Variants in SKIC2 observed in about 807,000 individuals in gnomAD.
SKIC2 encodes the protein superkiller complex protein 2.
chr6:31,968,422 G>A, the SKIC2 span: 3 of 1,612,994 alleles, frequency 1.9e-6, no homozygotes, highest in South Asian at 3.3e-5. The surrounding 1 kb of genome is among the most constrained non-coding windows in gnomAD (Gnocchi z 6.1). Flanking sequence ...CCTCGACCCT[G>A]TCAATGACCT....
At chr6:31,963,449 T>C in the SKIC2 span, 5 of 1,610,564 alleles carry the variant, frequency 3.1e-6, no homozygotes, top group East Asian at 2.2e-5. The surrounding 1 kb of genome is among the most constrained non-coding windows in gnomAD (Gnocchi z 5.3). Context: ...TGATTAGCAC[T>C]GTAACCCGCC....
At chr6:31,961,346 C>A in the SKIC2 span, 1 of 1,575,264 alleles carries the variant, frequency 6.3e-7, no homozygotes. Context: ...TGCAGTGCTC[C>A]CCTGGCCCGA....
the SKIC2 span, chr6:31,959,506 C>A: frequency 1.3e-6 from 1 of 796,926 alleles, no homozygotes; most frequent in East Asian, 2.5e-5. Flanking sequence ...GCCTGTACTC[C>A]TGTCCATCCC....
At chr6:31,960,694 T>G in the SKIC2 span, 3 of 1,586,454 alleles carry the variant, frequency 1.9e-6, no homozygotes, top group Non-Finnish European at 2.6e-6. Context: ...CCATAACAGA[T>G]CTGAACACAC....
chr6:31,969,608 G>A, the SKIC2 span: 1 of 1,613,214 alleles, frequency 6.2e-7, no homozygotes, highest in Non-Finnish European at 8.5e-7. This position sits in a 1 kb window ranked among gnomAD's most constrained non-coding sequence, Gnocchi z 6.1. Context: ...CTCACTGCGG[G>A]GGGCAGCCCG....
chr6:31,967,130 C>T, the SKIC2 span: 1 of 1,610,560 alleles, frequency 6.2e-7, no homozygotes, highest in Non-Finnish European at 8.5e-7. This position sits in a 1 kb window ranked among gnomAD's most constrained non-coding sequence, Gnocchi z 4.9. Flanking sequence ...AGAGACCCAG[C>T]ACATGATCCA....
At chr6:31,963,462 GTGCCCC>G in the SKIC2 span, 1 of 1,611,142 alleles carries the variant, frequency 6.2e-7, no homozygotes, top group Non-Finnish European at 8.5e-7. This position sits in a 1 kb window ranked among gnomAD's most constrained non-coding sequence, Gnocchi z 5.3. Flanking sequence ...AACCCGCCCC[GTGCCCC>G]TGGAGCACTA....
the SKIC2 span, chr6:31,968,826 G>A: frequency 6.2e-7 from 1 of 1,609,164 alleles, no homozygotes; most frequent in Non-Finnish European, 8.5e-7. This position sits in a 1 kb window ranked among gnomAD's most constrained non-coding sequence, Gnocchi z 6.1. Context: ...GGGCAGGGGG[G>A]CTAGGGGACA....
the SKIC2 span, chr6:31,962,817 C>T: frequency 6.3e-7 from 1 of 1,575,612 alleles, no homozygotes; most frequent in African/African-American, 1.3e-5. The surrounding 1 kb of genome is among the most constrained non-coding windows in gnomAD (Gnocchi z 5.0). Context: ...CATGGGCTCC[C>T]CAGAACCCGG....
chr6:31,969,657 C>G, the SKIC2 span: 6 of 1,610,394 alleles, frequency 3.7e-6, no homozygotes, highest in Non-Finnish European at 5.1e-6. The surrounding 1 kb of genome is among the most constrained non-coding windows in gnomAD (Gnocchi z 6.1). Context: ...AAGATGGAGA[C>G]AGCGGCTACC....
At chr6:31,969,156 C>T in the SKIC2 span, 4 of 1,551,384 alleles carry the variant, frequency 2.6e-6, no homozygotes, top group Non-Finnish European at 3.5e-6. The surrounding 1 kb of genome is among the most constrained non-coding windows in gnomAD (Gnocchi z 6.1). Context: ...TTCAGGTAGT[C>T]CCCCAGGTGA....
chr6:31,969,394 G>A, the SKIC2 span: 3 of 1,614,220 alleles, frequency 1.9e-6, no homozygotes, highest in African/African-American at 1.3e-5. The surrounding 1 kb of genome is among the most constrained non-coding windows in gnomAD (Gnocchi z 6.1). Flanking sequence ...GCTGGTTGAG[G>A]TTGTATATGA....
chr6:31,967,106 G>T, the SKIC2 span: 3 of 1,612,580 alleles, frequency 1.9e-6, no homozygotes, highest in South Asian at 2.2e-5. This position sits in a 1 kb window ranked among gnomAD's most constrained non-coding sequence, Gnocchi z 4.9. Flanking sequence ...TTACAGCTGG[G>T]GGGAGGAACT....
At chr6:31,969,350 C>A in the SKIC2 span, 1 of 1,614,100 alleles carries the variant, frequency 6.2e-7, no homozygotes, top group Non-Finnish European at 8.5e-7. This position sits in a 1 kb window ranked among gnomAD's most constrained non-coding sequence, Gnocchi z 6.1. Flanking sequence ...CTGAACCAGA[C>A]GGTGGAGGAA....
the SKIC2 span, chr6:31,962,434 C>T: frequency 6.2e-7 from 1 of 1,613,864 alleles, no homozygotes; most frequent in Non-Finnish European, 8.5e-7. The surrounding 1 kb of genome is among the most constrained non-coding windows in gnomAD (Gnocchi z 5.0). Flanking sequence ...ATGCTCTCTT[C>T]CCAGCACCAT....
At chr6:31,959,186 C>A in the SKIC2 span, 3 of 1,610,402 alleles carry the variant, frequency 1.9e-6, no homozygotes, top group East Asian at 2.2e-5. Flanking sequence ...GCTGCTGTGG[C>A]TCCAGGATGA....
chr6:31,962,929 T>C, the SKIC2 span: 1 of 1,425,258 alleles, frequency 7.0e-7, no homozygotes. This position sits in a 1 kb window ranked among gnomAD's most constrained non-coding sequence, Gnocchi z 5.0. Flanking sequence ...TGCCTCTTTA[T>C]GGGCAGAAGG....
the SKIC2 span, chr6:31,968,885 G>A: frequency 6.2e-7 from 1 of 1,612,746 alleles, no homozygotes; most frequent in Non-Finnish European, 8.5e-7. The surrounding 1 kb of genome is among the most constrained non-coding windows in gnomAD (Gnocchi z 6.1). Flanking sequence ...TCCGAACCCT[G>A]GGTTATGTGG....
the SKIC2 span, chr6:31,969,073 C>T: frequency 6.2e-7 from 1 of 1,611,304 alleles, no homozygotes; most frequent in African/African-American, 1.3e-5. The surrounding 1 kb of genome is among the most constrained non-coding windows in gnomAD (Gnocchi z 6.1). Context: ...GATCAGCTCC[C>T]AAACACCCTC....
Sources: gnomAD v4.1 joint callset for allele counts on GRCh38, gnomAD v4.1.1 for gene constraint, Gnocchi (gnomAD v3.1) non-coding constraint, MANE v1.5 for transcripts, NCBI Gene and HGNC (gene_info 2026-07-23, HGNC 2026-07-21) for gene names.